The following SMAD7 variants were observed in gnomAD, a reference collection of about 807,000 sequenced individuals.
SMAD7 encodes SMAD family member 7.
A neutral mutation model predicts 38.7 loss-of-function variants in SMAD7; 8 were observed. That is an observed-to-expected ratio of 0.21 (90% CI 0.12 to 0.37). The LOEUF (loss-of-function observed/expected upper bound fraction) is 0.37, where lower values mean the gene tolerates loss of function less well. SMAD7 is among the 10% of genes least tolerant of loss of function. SMAD7 has a pLI of 1.00. For missense variants in SMAD7, 477 were observed against 577.9 expected (o/e 0.83, Z 1.79); for synonymous variants, 327 against 265.1 (o/e 1.23, Z -2.27).
At chr18:48,923,431 G>A (rs2069887925) in intron 3 of SMAD7, among the ~76,000 whole-genome samples, 1 of 152,162 alleles carries the variant, frequency 6.6e-6, no homozygotes, top group Non-Finnish European at 1.5e-5. Context: ...AACTTTTACA[G>A]GCGTGTTAGG....
At chr18:48,949,353 C>A (rs762949992) in intron 1 of SMAD7, 5 of 813,628 alleles carry the variant, frequency 6.1e-6, no homozygotes, top group Non-Finnish European at 7.4e-6. Context: ...AATACGGAGA[C>A]CTTCCAGCCT....
rs780215248 is a variant in SMAD7, at chr18:48,950,451, T to C, written c.-27A>G. On this transcript the variant is annotated 5_prime_UTR_variant, in exon 1 of 4. Transcript: ENST00000262158. ...CGGGGCGAGGAGGCGAGGAGAAAAG[T>C]CGTTTGCCTGCTAAGGAGCGAACAT... is the stretch of plus-strand genomic sequence containing the variant. 12 of 1,539,586 alleles carry C rather than the reference T, an allele frequency of 7.8e-6. No homozygotes were observed. In the Admixed American group the frequency reaches 2.2e-4, roughly 28 times the overall value.
chr18:48,925,989 G>A (rs1350584480), intron 3 of SMAD7, among the ~76,000 whole-genome samples: 3 of 152,160 alleles, frequency 2.0e-5, no homozygotes, highest in Non-Finnish European at 4.4e-5. Context: ...CTCGTGATCC[G>A]CCAGCCTCAG....
At position 48,921,897 on chromosome 18, in the gene SMAD7, A is replaced by T; in HGVS notation, c.756T>A (p.Leu252=). The T allele has an allele frequency of 6.2e-7, 1 of 1,604,010 alleles. No homozygotes were observed. Among genetic ancestry groups the T allele is most frequent in the Non-Finnish European group, 8.5e-7 (1 of 1,177,560 alleles). ...AGTGTGACCGATCCCCAGGCTCCAG[A>T]AGAAGTTGGGAATCTAGAAAACACA... The part of the protein sequence containing the change: ...APGGLSDSQL[L]LEPGDRSHWC... The change falls in exon 4 of 4, where the codon CTT becomes CTA. Residue 252 remains leucine, a synonymous_variant. Transcript: ENST00000262158. The surrounding 1 kb of genome is among the most constrained non-coding windows in gnomAD (Gnocchi z 6.4).
intron 3 of SMAD7, among the ~76,000 whole-genome samples, chr18:48,936,459 A>C (rs1041880140): frequency 8.5e-5 from 13 of 152,224 alleles, no homozygotes; most frequent in Non-Finnish European, 1.0e-4. Context: ...TCATCGTCCC[A>C]AAAGGAAACC....
intron 3 of SMAD7, among the ~76,000 whole-genome samples, chr18:48,923,857 A>G (rs1023087334): frequency 7.2e-5 from 11 of 152,220 alleles, no homozygotes; most frequent in Non-Finnish European, 1.6e-4. Context: ...ACGTACTGGA[A>G]CATATGGAAA....
At chr18:48,936,054 G>A (rs1318506822) in intron 3 of SMAD7, among the ~76,000 whole-genome samples, 2 of 151,338 alleles carry the variant, frequency 1.3e-5, no homozygotes, top group African/African-American at 4.9e-5. Context: ...CAGCCAGGGT[G>A]ACAGAGTGAG....
Position 48,934,774 on chromosome 18 carries a change from AG to A in SMAD7, c.742+7706del, listed in dbSNP as rs1385806832. Among the ~76,000 whole-genome samples, 9 of 152,026 alleles carry A rather than the reference AG, an allele frequency of 5.9e-5. No individual in the cohort carries two copies. The South Asian group carries it at 6.2e-4, about 11-fold the overall frequency. On this transcript the variant is annotated intron_variant, in intron 3 of 3. Coordinates refer to ENST00000262158, the MANE Select transcript of SMAD7 (RefSeq NM_005904.4). ...CATGTTCTCGTGGGAGTGGAAGGGA[AG>A]AAAAAAAAAACACAAAACAGAAAAC...
intron 3 of SMAD7, among the ~76,000 whole-genome samples, chr18:48,940,839 C>A (rs911590438): frequency 1.6e-4 from 25 of 151,860 alleles, no homozygotes; most frequent in Admixed American, 1.3e-4. Context: ...GCCCACCCAT[C>A]TCCTGAGGGC....
At chr18:48,922,538 T>C (rs1272585435) in intron 3 of SMAD7, among the ~76,000 whole-genome samples, 1 of 152,160 alleles carries the variant, frequency 6.6e-6, no homozygotes, top group Non-Finnish European at 1.5e-5. Flanking sequence ...TGAGGGTGGC[T>C]TGGGACAAAA....
intron 2 of SMAD7, among the ~76,000 whole-genome samples, chr18:48,943,945 C>T (rs754866663): frequency 2.3e-4 from 35 of 151,974 alleles, no homozygotes; most frequent in Non-Finnish European, 4.0e-4. Context: ...GGGCGAGGGG[C>T]AGAAGTGGAG....
chr18:48,924,493 T>C (rs1177032580), intron 3 of SMAD7, among the ~76,000 whole-genome samples: 2 of 152,072 alleles, frequency 1.3e-5, no homozygotes, highest in Admixed American at 1.3e-4. Context: ...GACGGGGAAG[T>C]GTCAGGTGGG....
At position 48,934,640 on chromosome 18, in the gene SMAD7, C is replaced by A. The variant is rs1299005893; in HGVS notation, c.742+7841G>T. On this transcript the variant is annotated intron_variant, in intron 3 of 3. Transcript: ENST00000262158. ...TTCTTTAGTAAAATGGGAAATAAGG[C>A]GGCAGTTAACATTTCAACTGAAGGT... Among the ~76,000 whole-genome samples, 3 of 151,848 alleles carry A rather than the reference C, an allele frequency of 2.0e-5. No homozygotes were observed. The East Asian group carries it at 5.8e-4, about 29-fold the overall frequency.
chr18:48,949,924 A>G lies in SMAD7; in HGVS notation c.501T>C (p.Asp167=). Residue 167 remains aspartate, a synonymous_variant, in exon 1 of 4, where the codon GAT becomes GAC. Transcript: ENST00000262158. ...TCTTGACTTCCGAGGAATGCCTGAG[A>G]TCCGGCCACCTGAACACTTTGCACA... ...LLLCKVFRWP[D]LRHSSEVKRL... 6.2e-7 allele frequency: 1 copy of G among 1,613,636 alleles called. No homozygotes were observed. The highest frequency in any genetic ancestry group is 8.5e-7 in the Non-Finnish European group (1 of 1,179,926).
chr18:48,940,002 T>C (rs2070118724), intron 3 of SMAD7, among the ~76,000 whole-genome samples: 1 of 152,122 alleles, frequency 6.6e-6, no homozygotes, highest in Admixed American at 6.5e-5. Context: ...CAAAACTCTC[T>C]GCCCTGGACA....
rs569791552 is a variant in SMAD7, at chr18:48,932,545, C to T, written c.742+9936G>A. Reference sequence around the variant, plus strand: ...ACCCCCCAGCAAAAGCAGCTCTCCCCGCCTTTTCTTCCTGGTGGGGCTTCA... The same window carrying T: ...ACCCCCCAGCAAAAGCAGCTCTCCCTGCCTTTTCTTCCTGGTGGGGCTTCA... On this transcript the variant is annotated intron_variant, in intron 3 of 3. Transcript: ENST00000262158. 4.6e-5 allele frequency among the ~76,000 whole-genome samples: 7 copies of T among 152,294 alleles called. No individual in the cohort carries two copies. In the South Asian group the frequency reaches 1.0e-3, roughly 23 times the overall value.
chr18:48,928,430 G>A (rs1253695510), intron 3 of SMAD7, among the ~76,000 whole-genome samples: 1 of 151,914 alleles, frequency 6.6e-6, no homozygotes, highest in Non-Finnish European at 1.5e-5. Flanking sequence ...GTTTTGCTGT[G>A]TCCATCTCTA....
chr18:48,921,480 C>A lies in SMAD7; in HGVS notation c.1173G>T (p.Thr391=), dbSNP rs34151545. ...NDHEFMQQPW[T]GFTVQISFVK... ...CAAAGCTGATCTGCACGGTAAAGCC[C>A]GTCCACGGCTGCTGCATAAACTCGT... The change falls in exon 4 of 4, where the codon ACG becomes ACT. Residue 391 remains threonine (T), a synonymous_variant. Transcript: ENST00000262158. The surrounding 1 kb of genome is among the most constrained non-coding windows in gnomAD (Gnocchi z 6.4). The A allele has an allele frequency of 6.2e-7, 1 of 1,614,074 alleles. No individual in the cohort carries two copies. The highest frequency in any genetic ancestry group is 8.5e-7 in the Non-Finnish European group (1 of 1,180,026).
At chr18:48,948,628 T>A (rs1472661063) in intron 1 of SMAD7, 191 bp from the exon 2 acceptor site, 1 of 424,474 alleles carries the variant, frequency 2.4e-6, no homozygotes, top group African/African-American at 2.1e-5. Context: ...GGCGCCAGCC[T>A]CGGCGCTCCG....
Sources: gnomAD v4.1 joint callset for allele counts (sites outside exome capture counted in the v4.1 genomes callset) on GRCh38, gnomAD v4.1.1 for gene constraint, Gnocchi (gnomAD v3.1) non-coding constraint, MANE v1.5 for transcripts, NCBI Gene and HGNC (gene_info 2026-07-23, HGNC 2026-07-21) for gene names.